HLCS: variants seen among roughly 807,000 people sequenced by gnomAD.
The protein encoded by HLCS is holocarboxylase synthetase, also known as biotin--protein ligase.
Under a neutral mutation model 75.0 loss-of-function variants are expected in HLCS, and 53 were observed. The observed-to-expected ratio is 0.71, with a 90% CI of 0.57 to 0.89. The LOEUF (loss-of-function observed/expected upper bound fraction) is 0.89, where lower values mean the gene tolerates loss of function less well. Ranked by LOEUF, HLCS falls within the 40% of genes least tolerant of loss-of-function variation. HLCS has a pLI of 0.00. For missense variants in HLCS, 966 were observed against 1,074.0 expected, an observed-to-expected ratio of 0.90 and a Z score of 1.41; for synonymous variants, 431 against 428.6, an observed-to-expected ratio of 1.01 and a Z score of -0.07.
chr21:36,872,132 C>T (rs887003077), intron 6 of HLCS, among the ~76,000 whole-genome samples: 4 of 152,076 alleles, frequency 2.6e-5, no homozygotes, highest in Non-Finnish European at 5.9e-5. Context: ...CCCTTTAATA[C>T]TTCAGCTGGG....
chr21:36,902,593 G>A (rs1330461782), intron 5 of HLCS, among the ~76,000 whole-genome samples: 2 of 152,192 alleles, frequency 1.3e-5, no homozygotes, highest in African/African-American at 4.8e-5. Flanking sequence ...GCCGGTAGAA[G>A]TCATCTTATG....
rs949586100 is a variant in HLCS at position 36,860,360 on chromosome 21, C to T, written c.1892+36500G>A. Among the ~76,000 whole-genome samples the T allele has an allele frequency of 1.9e-4, 29 of 152,134 alleles. 1 individual carries two copies. Among genetic ancestry groups the T allele is most frequent in the African/African-American group, 6.8e-4 (28 of 41,464 alleles). On this transcript the variant is annotated intron_variant, in intron 6 of 10. Coordinates refer to ENST00000674895, the MANE Select transcript of HLCS (RefSeq NM_001352514.2). ...TCACACCCCTCCAGGAAGCCACACC[C>T]CTCCAGGAAGCCACACCCGCCAGGA...
At chr21:36,981,247 T>C (rs2069114313) in intron 1 of HLCS, among the ~76,000 whole-genome samples, 1 of 152,200 alleles carries the variant, frequency 6.6e-6, no homozygotes, top group Non-Finnish European at 1.5e-5. Flanking sequence ...AGTAGCCAAA[T>C]TTGGCACTCC....
At chr21:36,967,660 G>C (rs984824814), upstream of HLCS, among the ~76,000 whole-genome samples, 3 of 152,218 alleles carry the variant, frequency 2.0e-5, no homozygotes, top group Admixed American at 6.5e-5. Flanking sequence ...GCTGAAAATA[G>C]GTGGCAAGAT....
Position 36,749,744 on chromosome 21 carries a change from T to G in HLCS, c.*4502A>C, listed in dbSNP as rs1330566845. On this transcript the variant is annotated 3_prime_UTR_variant, in exon 11 of 11. Coordinates refer to ENST00000674895, the MANE Select transcript of HLCS (RefSeq NM_001352514.2). ...CCGTGATTCTTGAAAGGTGTAGGTT[T>G]GATTACTAGGAGATACCACCGACAT... 6.6e-6 allele frequency: 1 copy of G among 152,222 alleles called. No individual in the cohort carries two copies. The highest frequency in any genetic ancestry group is 6.5e-5 in the Admixed American group (1 of 15,282). 9.4% of individuals were successfully genotyped at this position (152,222 alleles called of 1,614,324 possible).
At chr21:36,804,242 A>G (rs2061298760) in intron 6 of HLCS, 1 of 152,288 alleles carries the variant, frequency 6.6e-6, no homozygotes, top group South Asian at 2.1e-4. Context: ...CCCAGCAGGT[A>G]CGGTAACTGC....
intron 9 of HLCS, among the ~76,000 whole-genome samples, chr21:36,758,754 G>A (rs529968686): frequency 2.0e-5 from 3 of 152,178 alleles, no homozygotes; most frequent in South Asian, 2.1e-4. Context: ...AGGCCGAGGC[G>A]GGCGGATCAT....
At chr21:36,987,535 C>T (rs947334822) in intron 1 of HLCS, among the ~76,000 whole-genome samples, 3 of 152,114 alleles carry the variant, frequency 2.0e-5, no homozygotes, top group Non-Finnish European at 1.5e-5. Flanking sequence ...ATTGTCTGAA[C>T]CTGGGAGGCA....
chr21:36,931,679 G>A (rs1338054018), intron 4 of HLCS, among the ~76,000 whole-genome samples: 1 of 151,870 alleles, frequency 6.6e-6, no homozygotes, highest in Non-Finnish European at 1.5e-5. Flanking sequence ...AACCCAGGAG[G>A]TTGAGGCTGC....
intron 4 of HLCS, 43 bp from the exon 5 acceptor site, chr21:36,930,476 A>T: frequency 6.9e-7 from 1 of 1,454,072 alleles, no homozygotes; most frequent in Non-Finnish European, 9.6e-7. Flanking sequence ...GGGCACTCAC[A>T]GGCAATGAGA....
intron 1 of HLCS, chr21:36,986,790 A>G (rs1228505859): frequency 6.6e-6 from 1 of 152,234 alleles, no homozygotes; most frequent in Non-Finnish European, 1.5e-5. Context: ...TAAAACAAAG[A>G]GTTCAATCTG....
intron 6 of HLCS, among the ~76,000 whole-genome samples, chr21:36,869,273 C>T (rs796378236): frequency 4.6e-5 from 7 of 152,150 alleles, no homozygotes; most frequent in East Asian, 3.9e-4. Context: ...TACAGGCGCC[C>T]GCCACCACGC....
chr21:36,907,418 G>A (rs1398016004), intron 5 of HLCS, among the ~76,000 whole-genome samples: 2 of 152,194 alleles, frequency 1.3e-5, no homozygotes, highest in Non-Finnish European at 2.9e-5. Flanking sequence ...AACTTTGGGA[G>A]GCTGAGGTGG....
rs571177167 is a variant in HLCS at position 36,955,448 on chromosome 21, A to G, written c.330+6588T>C. 2.0e-5 allele frequency among the ~76,000 whole-genome samples: 3 copies of G among 152,292 alleles called. No homozygotes were observed. In the South Asian group the frequency reaches 6.2e-4, roughly 32 times the overall value. ...GTTCACAAATTTGTAGAGATAAATA[A>G]ATGAAAATAAGAATAAAATTTTAAA... On this transcript the variant is annotated intron_variant, in intron 2 of 10. Coordinates refer to ENST00000674895, the MANE Select transcript of HLCS (RefSeq NM_001352514.2).
intron 2 of HLCS, among the ~76,000 whole-genome samples, chr21:36,957,545 G>T (rs1043576897): frequency 6.6e-6 from 1 of 152,134 alleles, no homozygotes; most frequent in South Asian, 2.1e-4. Context: ...CATGTGATTT[G>T]ACCTACTTGA....
chr21:36,917,511 C>T (rs2065982642), intron 5 of HLCS, among the ~76,000 whole-genome samples: 1 of 152,122 alleles, frequency 6.6e-6, no homozygotes, highest in African/African-American at 2.4e-5. Flanking sequence ...TTAATAACAG[C>T]TTATTGGCAC....
At chr21:36,914,799 T>C (rs961215239) in intron 5 of HLCS, among the ~76,000 whole-genome samples, 1 of 152,184 alleles carries the variant, frequency 6.6e-6, no homozygotes, top group Non-Finnish European at 1.5e-5. Context: ...TTCCACTCAC[T>C]GGTCTCGTGG....
chr21:36,899,279 T>C (rs2065139650), intron 5 of HLCS, among the ~76,000 whole-genome samples: 1 of 152,028 alleles, frequency 6.6e-6, no homozygotes, highest in Non-Finnish European at 1.5e-5. Flanking sequence ...TTGAGAACTG[T>C]CATAATTAAG....
At chr21:36,922,524 A>G (rs1217531743) in intron 5 of HLCS, among the ~76,000 whole-genome samples, 2 of 152,184 alleles carry the variant, frequency 1.3e-5, no homozygotes, top group Non-Finnish European at 2.9e-5. Context: ...AGCTACAACA[A>G]AACAAACAAA....
Sources: gnomAD v4.1 joint callset for allele counts (sites outside exome capture counted in the v4.1 genomes callset) on GRCh38, gnomAD v4.1.1 for gene constraint, MANE v1.5 for transcripts, NCBI Gene and HGNC (gene_info 2026-07-23, HGNC 2026-07-21) for gene names.